Variants in ATF7 observed in about 807,000 individuals in gnomAD.
The protein encoded by ATF7 is activating transcription factor 7.
A neutral mutation model predicts 50.4 loss-of-function variants in ATF7; 10 were observed. The observed-to-expected ratio is 0.20, with a 90% confidence interval of 0.12 to 0.34. The LOEUF is 0.34. Among genes scored for constraint, ATF7 ranks in the 10% least tolerant of loss-of-function variants. The pLI, the probability that ATF7 is intolerant of heterozygous loss-of-function variation, is 1.00. For missense variants in ATF7, 465 were observed against 613.9 expected, an observed-to-expected ratio of 0.76 and a Z score of 2.56; for synonymous variants, 201 against 226.4, an observed-to-expected ratio of 0.89 and a Z score of 1.01.
chr12:53,599,977 T>G (rs1229673731), intron 2 of ATF7, among the ~76,000 whole-genome samples: 2 of 152,198 alleles, frequency 1.3e-5, no homozygotes, highest in Non-Finnish European at 2.9e-5. Flanking sequence ...TCAACAAAAT[T>G]ACTTTATTAA....
chr12:53,577,339 TA>T (rs971230110), intron 2 of ATF7, among the ~76,000 whole-genome samples: 9 of 147,022 alleles, frequency 6.1e-5, no homozygotes, highest in South Asian at 2.1e-4. Flanking sequence ...AAAGAAGAAC[TA>T]AAAAAAAAAT....
chr12:53,566,355 AT>A (rs1394172306), intron 2 of ATF7, among the ~76,000 whole-genome samples: 4 of 152,074 alleles, frequency 2.6e-5, no homozygotes, highest in African/African-American at 9.7e-5. Flanking sequence ...CCCAACCCCC[AT>A]TTTTCAACCA....
intron 9 of ATF7, among the ~76,000 whole-genome samples, chr12:53,526,764 T>C (rs995443580): frequency 6.6e-6 from 1 of 151,958 alleles, no homozygotes; most frequent in Admixed American, 6.6e-5. Flanking sequence ...GATAGAAGAA[T>C]TGCTTGAACC....
chr12:53,616,284 G>T (rs149623015), intron 1 of ATF7, among the ~76,000 whole-genome samples: 1 of 152,088 alleles, frequency 6.6e-6, no homozygotes, highest in Non-Finnish European at 1.5e-5. Context: ...GTGCAGTGGC[G>T]TGATGTCAGC....
chr12:53,616,087 C>T lies in ATF7; in HGVS notation c.-22+10192G>A, dbSNP rs75708577. 8.6e-3 allele frequency among the ~76,000 whole-genome samples: 1,304 copies of T among 152,188 alleles called. 7 individuals are homozygous for T. The highest frequency in any genetic ancestry group is 0.012 in the Non-Finnish European group (815 of 68,022). On this transcript the variant is annotated intron_variant, in intron 1 of 11. Transcript: ENST00000420353. ...AGCAATCTATCAGATCAGGAGAAAA[C>T]AGTAAGGAATTCCACTCAAAGGAAG...
chr12:53,572,655 G>A (rs1285658429), intron 2 of ATF7, among the ~76,000 whole-genome samples: 2 of 152,158 alleles, frequency 1.3e-5, no homozygotes, highest in African/African-American at 2.4e-5. Flanking sequence ...TTCAAAAATA[G>A]ATGAGTACTG....
At chr12:53,551,572 G>A (rs1940355299) in intron 3 of ATF7, among the ~76,000 whole-genome samples, 1 of 152,184 alleles carries the variant, frequency 6.6e-6, no homozygotes, top group South Asian at 2.1e-4. Flanking sequence ...GTATACAGTA[G>A]ATATGAAATA....
downstream of ATF7, among the ~76,000 whole-genome samples, chr12:53,508,885 G>T (rs1944074976): frequency 6.6e-6 from 1 of 152,186 alleles, no homozygotes; most frequent in Non-Finnish European, 1.5e-5. Context: ...CTACTGTGGG[G>T]CTGGACTATC....
chr12:53,582,820 G>A (rs1434143267), intron 2 of ATF7, among the ~76,000 whole-genome samples: 1 of 152,050 alleles, frequency 6.6e-6, no homozygotes, highest in Non-Finnish European at 1.5e-5. Flanking sequence ...TCCTGACCTC[G>A]TGATCCGCCC....
At position 53,543,261 on chromosome 12, in the gene ATF7, C is replaced by A. The variant is rs542600295; in HGVS notation, c.264+69G>T. 1.0e-5 allele frequency: 16 copies of A among 1,551,756 alleles called. No individual in the cohort carries two copies. In the East Asian group the frequency reaches 2.7e-4, roughly 26 times the overall value. The stretch of plus-strand genomic sequence containing the variant: ...TGTTTTAACCAATTAAGAAAATTAT[C>A]CCAAAGCACAATAAAAATAGCCTAG... On this transcript the variant is annotated intron_variant, in intron 4 of 11. Coordinates refer to ENST00000420353, the MANE Select transcript of ATF7 (RefSeq NM_006856.3).
chr12:53,572,374 G>C (rs756931956), intron 2 of ATF7, among the ~76,000 whole-genome samples: 33 of 152,152 alleles, frequency 2.2e-4, no homozygotes, highest in Non-Finnish European at 7.3e-5. Context: ...TCAAGTGCCA[G>C]GGGAGGAAAA....
chr12:53,609,963 C>T (rs1047218833), intron 1 of ATF7, among the ~76,000 whole-genome samples: 5 of 151,440 alleles, frequency 3.3e-5, no homozygotes, highest in Non-Finnish European at 5.9e-5. Flanking sequence ...ACTATAGGCA[C>T]GCACCACCAC....
chr12:53,601,274 C>T (rs1194795270), intron 1 of ATF7, among the ~76,000 whole-genome samples: 1 of 152,182 alleles, frequency 6.6e-6, no homozygotes, highest in Non-Finnish European at 1.5e-5. Context: ...GCTAGATTTT[C>T]CCTCTTTCTA....
At chr12:53,565,538 A>G (rs1425781841) in intron 2 of ATF7, among the ~76,000 whole-genome samples, 2 of 151,842 alleles carry the variant, frequency 1.3e-5, no homozygotes, top group Non-Finnish European at 2.9e-5. Context: ...CATCACCCAG[A>G]CTGGAGTATA....
chr12:53,599,004 T>C (rs1943275625), intron 2 of ATF7, among the ~76,000 whole-genome samples: 1 of 152,176 alleles, frequency 6.6e-6, no homozygotes, highest in Non-Finnish European at 1.5e-5. Context: ...TATTATCTAA[T>C]TCCATGTAAA....
intron 1 of ATF7, among the ~76,000 whole-genome samples, chr12:53,618,215 T>C (rs1944222934): frequency 1.3e-5 from 2 of 152,228 alleles, no homozygotes; most frequent in Non-Finnish European, 2.9e-5. Context: ...TCTATTTTTC[T>C]TCCTGATTCT....
intron 2 of ATF7, among the ~76,000 whole-genome samples, chr12:53,586,357 A>C (rs1417915622): frequency 4.6e-5 from 7 of 152,164 alleles, no homozygotes; most frequent in Non-Finnish European, 8.8e-5. Flanking sequence ...AAATGTCTGA[A>C]GTTATGAACA....
At chr12:53,618,172 G>A (rs974673325) in intron 1 of ATF7, among the ~76,000 whole-genome samples, 5 of 152,140 alleles carry the variant, frequency 3.3e-5, no homozygotes, top group Non-Finnish European at 5.9e-5. Flanking sequence ...CCACTGGGTC[G>A]ACAGAAACAT....
At chr12:53,620,136 C>T (rs534795186) in intron 1 of ATF7, among the ~76,000 whole-genome samples, 1 of 151,562 alleles carries the variant, frequency 6.6e-6, no homozygotes, top group Admixed American at 6.6e-5. Context: ...AGAGTAAGAC[C>T]CTGTCTCAAA....
Sources: allele counts gnomAD v4.1 joint callset (sites outside exome capture counted in the v4.1 genomes callset), GRCh38; gene constraint gnomAD v4.1.1; transcripts MANE v1.5; gene names NCBI Gene and HGNC (gene_info 2026-07-23, HGNC 2026-07-21).